Variants in CDKN2B-AS1 observed in about 807,000 individuals in gnomAD.
CDKN2B-AS1 encodes the protein CDKN2B and CDKN2A antisense cis and trans regulatory RNA 1.
At chr9:22,044,759 T>C (rs887393209) in intron 1 of CDKN2B-AS1, among the ~76,000 whole-genome samples, 1 of 151,910 alleles carries the variant, frequency 6.6e-6, no homozygotes, top group Non-Finnish European at 1.5e-5. Context: ...TATCTGGACT[T>C]CTTTTTCTGC....
intron 1 of CDKN2B-AS1, among the ~76,000 whole-genome samples, chr9:22,016,820 G>A (rs1821784479): frequency 6.6e-6 from 1 of 152,180 alleles, no homozygotes; most frequent in Non-Finnish European, 1.5e-5. Context: ...AAGAGTCGTA[G>A]CATCTTTCAA....
intron 1 of CDKN2B-AS1, chr9:22,009,265 C>G (rs1821369851): frequency 2.1e-5 from 11 of 520,250 alleles, no homozygotes; most frequent in Middle Eastern, 1.0e-3. Flanking sequence ...GGTGCGGACG[C>G]GTCGCGGAGT....
At chr9:22,079,242 G>T (rs1302426271) in intron 4 of CDKN2B-AS1, among the ~76,000 whole-genome samples, 1 of 152,222 alleles carries the variant, frequency 6.6e-6, no homozygotes, top group Non-Finnish European at 1.5e-5. Flanking sequence ...CCAGCACTTT[G>T]GGAAGCCGAG....
intron 4 of CDKN2B-AS1, among the ~76,000 whole-genome samples, chr9:22,122,610 A>T (rs756866891): frequency 3.9e-5 from 6 of 152,176 alleles, no homozygotes; most frequent in Non-Finnish European, 8.8e-5. Flanking sequence ...ATTCTTCTGC[A>T]TATAGATATC....
rs1474871844 is a variant in CDKN2B-AS1, at chr9:22,040,762, GA to G, written n.30-5988del. Among the ~76,000 whole-genome samples, 5 of 152,004 alleles carry G rather than the reference GA, an allele frequency of 3.3e-5. No individual in the cohort carries two copies. In the East Asian group the frequency reaches 9.7e-4, roughly 29 times the overall value. ...ATAGCCACACTCACATGAATACAGA[GA>G]TACACAATTTACAAATTAATGTAAC... On this transcript the variant is annotated intron_variant and non_coding_transcript_variant, in intron 1 of 4. Coordinates refer to ENST00000650946, the Ensembl canonical transcript of CDKN2B-AS1.
At position 22,080,364 on chromosome 9, in the gene CDKN2B-AS1, A is replaced by G. The variant is rs16905613; in HGVS notation, n.438+23977A>G. On this transcript the variant is annotated intron_variant and non_coding_transcript_variant, in intron 4 of 4. Transcript: ENST00000650946. ...GGGTCCTTTGATATTTTCCGTGTTC[A>G]CTATGATCAAGCTGGCATCGTTTCC... 8.8e-3 allele frequency among the ~76,000 whole-genome samples: 1,336 copies of G among 152,340 alleles called. 18 individuals carry two copies. The highest frequency in any genetic ancestry group is 0.011 in the Non-Finnish European group (763 of 68,030).
At chr9:22,031,443 A>C (rs942010292) in intron 1 of CDKN2B-AS1, among the ~76,000 whole-genome samples, 2 of 152,214 alleles carry the variant, frequency 1.3e-5, no homozygotes, top group Non-Finnish European at 2.9e-5. Flanking sequence ...TGAGAAAAGC[A>C]GGTTCATGGA....
Position 21,995,449 on chromosome 9 carries a change from T to C in CDKN2B-AS1, n.29+288T>C, listed in dbSNP as rs1433342144. 6.6e-6 allele frequency: 1 copy of C among 152,528 alleles called. No individual in the cohort carries two copies. The highest frequency in any genetic ancestry group is 1.9e-4 in the East Asian group (1 of 5,186). 9.4% of individuals were successfully genotyped at this position (152,528 alleles called of 1,614,324 possible). A position where few individuals can be genotyped will look rare whatever the true frequency, so the allele number is the denominator to read the frequency against. ...CCGTTGGCCGCTGCCGCCTCCACGC[T>C]CTGCCCCGCGCCCAGACACCCCGAC... On this transcript the variant is annotated intron_variant and non_coding_transcript_variant, in intron 1 of 4. Transcript: ENST00000650946. The surrounding 1 kb of genome is among the most constrained non-coding windows in gnomAD (Gnocchi z 5.7).
At chr9:22,105,884 C>T (rs902550804) in intron 4 of CDKN2B-AS1, among the ~76,000 whole-genome samples, 4 of 152,120 alleles carry the variant, frequency 2.6e-5, no homozygotes, top group African/African-American at 9.7e-5. Flanking sequence ...AACTGGGTTA[C>T]TTTGGTTAAG....
chr9:22,043,760 T>C (rs1587448088), intron 1 of CDKN2B-AS1, among the ~76,000 whole-genome samples: 1 of 152,070 alleles, frequency 6.6e-6, no homozygotes, highest in Non-Finnish European at 1.5e-5. Flanking sequence ...ACAGTAGCTG[T>C]TACATCACTA....
At chr9:22,016,258 T>C (rs1334057825) in intron 1 of CDKN2B-AS1, among the ~76,000 whole-genome samples, 1 of 152,136 alleles carries the variant, frequency 6.6e-6, no homozygotes, top group Non-Finnish European at 1.5e-5. Context: ...AAGGACCTCT[T>C]CAAGGAGAAC....
chr9:22,065,102 G>C (rs984816166), intron 4 of CDKN2B-AS1, among the ~76,000 whole-genome samples: 3 of 152,160 alleles, frequency 2.0e-5, no homozygotes, highest in Admixed American at 6.5e-5. Context: ...GCTGGCACCT[G>C]GGCTGATTCT....
intron 4 of CDKN2B-AS1, among the ~76,000 whole-genome samples, chr9:22,125,780 A>C (rs1333836678): frequency 6.6e-6 from 1 of 152,198 alleles, no homozygotes; most frequent in Non-Finnish European, 1.5e-5. Flanking sequence ...CTAAAAACAA[A>C]CCAAATGTTC....
At chr9:22,054,487 G>A (rs1294493252) in intron 3 of CDKN2B-AS1, among the ~76,000 whole-genome samples, 1 of 151,910 alleles carries the variant, frequency 6.6e-6, no homozygotes, top group Non-Finnish European at 1.5e-5. Context: ...CTTGTGTCAG[G>A]CACTTCTTTT....
intron 1 of CDKN2B-AS1, among the ~76,000 whole-genome samples, chr9:22,025,339 A>G (rs1822187761): frequency 1.3e-5 from 2 of 152,260 alleles, no homozygotes; most frequent in South Asian, 4.2e-4. Context: ...GGAGGTGTGG[A>G]TGAGACACTT....
chr9:22,008,450 T>C (rs1403615160), intron 1 of CDKN2B-AS1, among the ~76,000 whole-genome samples: 1 of 152,204 alleles, frequency 6.6e-6, no homozygotes, highest in Non-Finnish European at 1.5e-5. Context: ...GCGTAACTTA[T>C]ACTTTACTTA....
chr9:22,057,501 A>G (rs955587092), intron 4 of CDKN2B-AS1, among the ~76,000 whole-genome samples: 1 of 152,210 alleles, frequency 6.6e-6, no homozygotes, highest in Admixed American at 6.5e-5. Flanking sequence ...ACATAAAGAT[A>G]TAGTTGTAGA....
At chr9:22,084,113 G>T (rs1824788939) in intron 4 of CDKN2B-AS1, among the ~76,000 whole-genome samples, 2 of 151,866 alleles carry the variant, frequency 1.3e-5, no homozygotes, top group Non-Finnish European at 2.9e-5. Context: ...ACCAACAATT[G>T]TTAAAGTAAA....
At chr9:22,045,034 TTA>T (rs1455493261) in intron 1 of CDKN2B-AS1, among the ~76,000 whole-genome samples, 12 of 103,268 alleles carry the variant, frequency 1.2e-4, no homozygotes, top group African/African-American at 6.5e-4. Flanking sequence ...AAAATATTAT[TTA>T]TTTGTGTGTG....
Sources: gnomAD v4.1 joint callset for allele counts (sites outside exome capture counted in the v4.1 genomes callset) on GRCh38, gnomAD v4.1.1 for gene constraint, Gnocchi (gnomAD v3.1) non-coding constraint, MANE v1.5 for transcripts, NCBI Gene and HGNC (gene_info 2026-07-23, HGNC 2026-07-21) for gene names.